The following NRG3 variants were observed in gnomAD, a reference collection of about 807,000 sequenced individuals.
NRG3 encodes the protein pro-neuregulin-3, membrane-bound isoform.
NRG3 carries 31 observed loss-of-function variants against 66.9 expected under a neutral mutation model. That is an observed-to-expected ratio of 0.46 (90% CI 0.35 to 0.63). The LOEUF (loss-of-function observed/expected upper bound fraction) is 0.63, where lower values mean the gene tolerates loss of function less well. Among genes scored for constraint, NRG3 ranks in the 20% least tolerant of loss-of-function variants. The pLI is 0.00. For synonymous variants in NRG3, 393 were observed against 359.4 expected (o/e 1.09, Z -1.06); for missense variants, 910 against 878.9 (o/e 1.04, Z -0.45).
chr10:81,953,603 A>G (rs571544697), intron 1 of NRG3, among the ~76,000 whole-genome samples: 5 of 152,308 alleles, frequency 3.3e-5, no homozygotes, highest in South Asian at 4.1e-4. Flanking sequence ...TTTAAATAGT[A>G]TCATAGACTC....
intron 1 of NRG3, among the ~76,000 whole-genome samples, chr10:81,963,301 T>C (rs901347641): frequency 2.0e-5 from 3 of 150,496 alleles, no homozygotes; most frequent in Non-Finnish European, 4.4e-5. Flanking sequence ...GCCCGGCTAA[T>C]TTTTTGTATT....
At chr10:82,782,594 A>G (rs1281985554) in intron 3 of NRG3, among the ~76,000 whole-genome samples, 2 of 152,198 alleles carry the variant, frequency 1.3e-5, no homozygotes, top group Admixed American at 6.6e-5. Flanking sequence ...ACAGCTTTGG[A>G]GTTGGGTAAT....
At chr10:81,879,390 C>T (rs867101470) in intron 1 of NRG3, among the ~76,000 whole-genome samples, 3 of 152,134 alleles carry the variant, frequency 2.0e-5, no homozygotes, top group Non-Finnish European at 1.5e-5. Context: ...CCTTTTACAG[C>T]GCCTTCAATT....
chr10:82,585,943 T>C (rs899005489), intron 2 of NRG3, among the ~76,000 whole-genome samples: 1 of 152,228 alleles, frequency 6.6e-6, no homozygotes, highest in Admixed American at 6.5e-5. Context: ...AAAACTGCGT[T>C]AATATTCAAT....
At chr10:82,919,921 G>GAA (rs373966910) in intron 4 of NRG3, among the ~76,000 whole-genome samples, 3 of 145,640 alleles carry the variant, frequency 2.1e-5, no homozygotes, top group African/African-American at 7.5e-5. Context: ...TAGTGAGAAT[G>GAA]AAAAAAAAAA....
intron 2 of NRG3, among the ~76,000 whole-genome samples, chr10:82,373,398 G>A (rs2085014496): frequency 6.6e-6 from 1 of 152,210 alleles, no homozygotes; most frequent in African/African-American, 2.4e-5. Flanking sequence ...ATGTGGATGT[G>A]GAGAGACAAA....
intron 2 of NRG3, among the ~76,000 whole-genome samples, chr10:82,649,060 G>A (rs1420703871): frequency 6.6e-6 from 1 of 152,100 alleles, no homozygotes; most frequent in African/African-American, 2.4e-5. Flanking sequence ...TTGAAAACTG[G>A]CACAAGACAG....
chr10:81,938,393 T>C (rs1480771184), intron 1 of NRG3, among the ~76,000 whole-genome samples: 1 of 133,774 alleles, frequency 7.5e-6, no homozygotes, highest in Non-Finnish European at 1.8e-5. Flanking sequence ...TGTGTGTGTG[T>C]TTTTTTTTTT....
At chr10:81,923,338 T>G (rs937421661) in intron 1 of NRG3, among the ~76,000 whole-genome samples, 3 of 151,930 alleles carry the variant, frequency 2.0e-5, no homozygotes, top group Non-Finnish European at 4.4e-5. Flanking sequence ...CCCGAGTAGC[T>G]GGGACTACAG....
chr10:82,329,835 A>AGTGG (rs2082056017), intron 1 of NRG3, among the ~76,000 whole-genome samples: 1 of 152,178 alleles, frequency 6.6e-6, no homozygotes, highest in Admixed American at 6.5e-5. Context: ...CAGGAAGGCC[A>AGTGG]CGCTCTAGGC....
At chr10:82,575,823 C>T (rs140826856) in intron 2 of NRG3, among the ~76,000 whole-genome samples, 179 of 151,764 alleles carry the variant, frequency 1.2e-3, no homozygotes, top group Non-Finnish European at 3.1e-4. Context: ...AAGTATTTCT[C>T]CTTTCCCATT....
chr10:82,253,566 A>T (rs1216100086), intron 1 of NRG3, among the ~76,000 whole-genome samples: 5 of 151,996 alleles, frequency 3.3e-5, no homozygotes, highest in Non-Finnish European at 5.9e-5. Context: ...TTTCATTCTC[A>T]CTTCAAACAC....
chr10:82,041,443 T>A (rs1468785121), intron 1 of NRG3, among the ~76,000 whole-genome samples: 1 of 152,066 alleles, frequency 6.6e-6, no homozygotes, highest in Non-Finnish European at 1.5e-5. Flanking sequence ...TGGCTTTCTG[T>A]CAGCTTTACT....
chr10:82,358,058 A>G (rs1006962019), intron 1 of NRG3, among the ~76,000 whole-genome samples: 2 of 152,172 alleles, frequency 1.3e-5, no homozygotes, highest in African/African-American at 4.8e-5. Context: ...GGATGCAGAT[A>G]TTGATGTATA....
At chr10:82,389,224 G>T (rs2086198892) in intron 2 of NRG3, among the ~76,000 whole-genome samples, 1 of 152,150 alleles carries the variant, frequency 6.6e-6, no homozygotes, top group East Asian at 1.9e-4. Flanking sequence ...ATGCAAATCA[G>T]AATTCAACTC....
intron 2 of NRG3, among the ~76,000 whole-genome samples, chr10:82,620,157 C>T (rs1332552856): frequency 6.6e-6 from 1 of 152,182 alleles, no homozygotes; most frequent in Non-Finnish European, 1.5e-5. Flanking sequence ...TTACAATGCT[C>T]TCTTAGCTCC....
chr10:81,999,904 T>C (rs1208417095), intron 1 of NRG3, among the ~76,000 whole-genome samples: 1 of 152,200 alleles, frequency 6.6e-6, no homozygotes, highest in Non-Finnish European at 1.5e-5. Context: ...CAGTCAAGTA[T>C]TTTTAGATAG....
chr10:82,731,350 G>A (rs2057891793), intron 2 of NRG3, among the ~76,000 whole-genome samples: 1 of 132,788 alleles, frequency 7.5e-6, no homozygotes, highest in African/African-American at 2.9e-5. Flanking sequence ...CTGGGTTACA[G>A]AGAGATACTC....
At chr10:82,248,369 A>C (rs1046017090) in intron 1 of NRG3, among the ~76,000 whole-genome samples, 7 of 151,996 alleles carry the variant, frequency 4.6e-5, no homozygotes, top group Non-Finnish European at 1.0e-4. Context: ...CTCCATTCCC[A>C]CTGTGACTCC....
Sources: allele counts gnomAD v4.1 joint callset (sites outside exome capture counted in the v4.1 genomes callset), GRCh38; gene constraint gnomAD v4.1.1; transcripts MANE v1.5; gene names NCBI Gene and HGNC (gene_info 2026-07-23, HGNC 2026-07-21).